Variants in TNFSF4 observed in about 807,000 individuals in gnomAD.
The protein encoded by TNFSF4 is tumor necrosis factor ligand superfamily member 4.
Under a neutral mutation model 7.3 loss-of-function variants are expected in TNFSF4, and 4 were observed. That is an observed-to-expected ratio of 0.55 (90% CI 0.27 to 1.25). The LOEUF (loss-of-function observed/expected upper bound fraction) is 1.25. TNFSF4 is among the 50% of genes most tolerant of loss of function. The pLI is 0.12. For missense variants in TNFSF4, 181 were observed against 208.8 expected (o/e 0.87, Z 0.82); for synonymous variants, 76 against 83.7 (o/e 0.91, Z 0.50).
chr1:173,321,704 A>C, the TNFSF4 span, among the ~76,000 whole-genome samples: 1 of 152,208 alleles, frequency 6.6e-6, no homozygotes, highest in Admixed American at 6.5e-5. Context: ...TGCAGCCAAT[A>C]GATATAAAAA....
At chr1:173,276,550 T>C in the TNFSF4 span, among the ~76,000 whole-genome samples, 1 of 152,044 alleles carries the variant, frequency 6.6e-6, no homozygotes, top group Non-Finnish European at 1.5e-5. Flanking sequence ...AGCCACTGAG[T>C]TGGAGGCCTT....
At chr1:173,230,151 C>T in the TNFSF4 span, among the ~76,000 whole-genome samples, 3 of 152,306 alleles carry the variant, frequency 2.0e-5, 1 homozygote, top group East Asian at 3.9e-4. Context: ...CACCACACCA[C>T]ACTTATTCCA....
chr1:173,325,210 T>G, the TNFSF4 span, among the ~76,000 whole-genome samples: 1 of 152,146 alleles, frequency 6.6e-6, no homozygotes, highest in Non-Finnish European at 1.5e-5. Flanking sequence ...ATTAAGAATC[T>G]CAGTCAAAAC....
the TNFSF4 span, among the ~76,000 whole-genome samples, chr1:173,382,904 AC>A: frequency 0.039 from 5,794 of 150,398 alleles, 130 homozygotes; most frequent in Non-Finnish European, 0.043. Flanking sequence ...ACACACACAC[AC>A]ACACAAAGGT....
chr1:173,392,461 G>C, the TNFSF4 span, among the ~76,000 whole-genome samples: 1 of 152,132 alleles, frequency 6.6e-6, no homozygotes, highest in Non-Finnish European at 1.5e-5. Flanking sequence ...AGAAGTAATA[G>C]ATGTAAATTA....
At chr1:173,364,690 G>T in the TNFSF4 span, among the ~76,000 whole-genome samples, 105,339 of 151,562 alleles carry the variant, frequency 0.7, 36,803 homozygotes, top group African/African-American at 0.77. Flanking sequence ...ACTTTAAAGT[G>T]TAAGAAAACA....
At chr1:173,316,497 A>G in the TNFSF4 span, among the ~76,000 whole-genome samples, 2 of 152,102 alleles carry the variant, frequency 1.3e-5, no homozygotes, top group African/African-American at 4.8e-5. Flanking sequence ...GATCTAGAAG[A>G]AAACTTGTGA....
chr1:173,407,608 T>C, the TNFSF4 span, among the ~76,000 whole-genome samples: 1 of 139,880 alleles, frequency 7.1e-6, no homozygotes, highest in Non-Finnish European at 1.5e-5. Context: ...AAGTGAAAAC[T>C]AGAATGAATC....
chr1:173,178,182 G>A, the TNFSF4 span, among the ~76,000 whole-genome samples: 8 of 152,012 alleles, frequency 5.3e-5, no homozygotes, highest in Non-Finnish European at 7.4e-5. Flanking sequence ...CACAAGTCCC[G>A]AAGTCAATGT....
the TNFSF4 span, among the ~76,000 whole-genome samples, chr1:173,354,987 AGGTCTCACT>A: frequency 1.3e-5 from 2 of 152,206 alleles, no homozygotes; most frequent in South Asian, 4.1e-4. Flanking sequence ...AGTCCCACAC[AGGTCTCACT>A]GGGCTAAAAC....
chr1:173,228,934 G>C, the TNFSF4 span, among the ~76,000 whole-genome samples: 1 of 152,176 alleles, frequency 6.6e-6, no homozygotes, highest in East Asian at 1.9e-4. Context: ...ACTATGTGAA[G>C]AGACCAAATC....
the TNFSF4 span, among the ~76,000 whole-genome samples, chr1:173,378,634 C>A: frequency 3.9e-5 from 6 of 152,248 alleles, no homozygotes; most frequent in African/African-American, 1.4e-4. Context: ...GCAGCTTGAT[C>A]TTTTCTGTAA....
chr1:173,315,437 A>G, the TNFSF4 span, among the ~76,000 whole-genome samples: 1 of 152,204 alleles, frequency 6.6e-6, no homozygotes, highest in South Asian at 2.1e-4. Context: ...TATCAGATAA[A>G]AAAATCACAG....
At chr1:173,377,205 G>A in the TNFSF4 span, among the ~76,000 whole-genome samples, 3 of 152,182 alleles carry the variant, frequency 2.0e-5, no homozygotes, top group Non-Finnish European at 2.9e-5. Flanking sequence ...ATCACCAAGC[G>A]GTGAGTACCA....
chr1:173,438,138 T>C, the TNFSF4 span, among the ~76,000 whole-genome samples: 4 of 152,186 alleles, frequency 2.6e-5, no homozygotes, highest in African/African-American at 9.7e-5. Flanking sequence ...AATTAAACCC[T>C]GACTAAATTA....
At chr1:173,312,089 G>A in the TNFSF4 span, among the ~76,000 whole-genome samples, 16 of 152,016 alleles carry the variant, frequency 1.1e-4, no homozygotes, top group African/African-American at 3.6e-4. Context: ...GTATACATTT[G>A]TGCATATCCA....
the TNFSF4 span, among the ~76,000 whole-genome samples, chr1:173,337,802 T>G: frequency 2.6e-5 from 4 of 152,142 alleles, no homozygotes; most frequent in Non-Finnish European, 4.4e-5. Context: ...AGAAACATGA[T>G]TAGAAAATTG....
At chr1:173,363,279 T>C in the TNFSF4 span, 135 of 316,054 alleles carry the variant, frequency 4.3e-4, no homozygotes, top group African/African-American at 2.9e-3. Flanking sequence ...TCTCCCTTTC[T>C]GCATGCTTTA....
chr1:173,315,370 T>C, the TNFSF4 span, among the ~76,000 whole-genome samples: 120 of 152,242 alleles, frequency 7.9e-4, no homozygotes, highest in African/African-American at 2.6e-3. Flanking sequence ...TATTTCCTTA[T>C]AGGATAAAAG....
Sources: allele counts gnomAD v4.1 joint callset (sites outside exome capture counted in the v4.1 genomes callset), GRCh38; gene constraint gnomAD v4.1.1; transcripts MANE v1.5; gene names NCBI Gene and HGNC (gene_info 2026-07-23, HGNC 2026-07-21).